Variants in FNBP1 observed in about 807,000 individuals in gnomAD.
FNBP1 encodes the protein formin binding protein 1, also known as formin-binding protein 1.
FNBP1 carries 26 observed loss-of-function variants against 90.6 expected under a neutral mutation model. The ratio of observed to expected loss-of-function variants is 0.29; its 90% CI spans 0.21 to 0.40. The LOEUF is 0.40. Ranked by LOEUF, FNBP1 falls within the 10% of genes least tolerant of loss-of-function variation. The pLI is 1.00. For synonymous variants in FNBP1, 260 were observed against 265.2 expected (o/e 0.98, Z 0.19); for missense variants, 635 against 768.0 (o/e 0.83, Z 2.05).
At chr9:129,958,466 C>A (rs189538092) in intron 5 of FNBP1, 25 bp downstream of exon 5, 2 of 1,553,548 alleles carry the variant, frequency 1.3e-6, no homozygotes, top group East Asian at 2.3e-5. Flanking sequence ...AAAGCCGTTT[C>A]TTTTGCTGTG....
chr9:130,013,573 T>C (rs1288832518), intron 1 of FNBP1: 46 of 379,910 alleles, frequency 1.2e-4, no homozygotes, highest in South Asian at 9.0e-4. Flanking sequence ...ATGACATCTC[T>C]AGGTATATAT....
intron 12 of FNBP1, among the ~76,000 whole-genome samples, chr9:129,907,084 C>T (rs1009445936): frequency 2.3e-4 from 12 of 52,238 alleles, no homozygotes; most frequent in East Asian, 8.1e-4. Context: ...GGCCCAAGCA[C>T]GTTTTTTTTT....
intron 4 of FNBP1, among the ~76,000 whole-genome samples, chr9:129,962,259 A>C (rs1403724900): frequency 6.6e-6 from 1 of 152,212 alleles, no homozygotes; most frequent in Non-Finnish European, 1.5e-5. Context: ...CCCCACTGTG[A>C]CTTGCTCCAG....
intron 1 of FNBP1, among the ~76,000 whole-genome samples, chr9:130,001,581 T>C (rs924905509): frequency 6.6e-6 from 1 of 152,114 alleles, no homozygotes; most frequent in African/African-American, 2.4e-5. Flanking sequence ...ATAACATATA[T>C]GCTAAAATTT....
At chr9:130,010,395 A>G (rs565934494) in intron 1 of FNBP1, among the ~76,000 whole-genome samples, 3 of 152,238 alleles carry the variant, frequency 2.0e-5, no homozygotes, top group African/African-American at 7.2e-5. Context: ...ACGTACTGAG[A>G]AAGGTTTCCT....
chr9:129,979,746 T>C (rs921750710), intron 2 of FNBP1, among the ~76,000 whole-genome samples: 1 of 152,064 alleles, frequency 6.6e-6, no homozygotes, highest in African/African-American at 2.4e-5. Flanking sequence ...TTCAAGCGAT[T>C]CTCCTGCCTC....
chr9:129,938,912 C>T (rs934653218), intron 6 of FNBP1, among the ~76,000 whole-genome samples: 8 of 152,122 alleles, frequency 5.3e-5, no homozygotes, highest in African/African-American at 1.9e-4. Flanking sequence ...CCCCCTTTCC[C>T]CCCTGGTTTC....
chr9:129,949,495 A>T (rs2045844283), intron 6 of FNBP1, among the ~76,000 whole-genome samples: 2 of 152,194 alleles, frequency 1.3e-5, no homozygotes, highest in South Asian at 4.1e-4. Flanking sequence ...ACATCTGGTC[A>T]CACGCTGGCA....
At chr9:129,982,853 A>G (rs1479903769) in intron 2 of FNBP1, among the ~76,000 whole-genome samples, 1 of 152,116 alleles carries the variant, frequency 6.6e-6, no homozygotes, top group African/African-American at 2.4e-5. Context: ...CTGTAGAGAC[A>G]GAGTCTTGCC....
chr9:129,974,286 A>G (rs187564916), intron 4 of FNBP1, among the ~76,000 whole-genome samples: 1 of 152,178 alleles, frequency 6.6e-6, no homozygotes, highest in African/African-American at 2.4e-5. Context: ...GCTCTGCAAC[A>G]GAGCAACACA....
chr9:129,901,880 C>A (rs187641915), intron 13 of FNBP1, among the ~76,000 whole-genome samples: 1 of 152,268 alleles, frequency 6.6e-6, no homozygotes, highest in East Asian at 1.9e-4. Flanking sequence ...CTACTACACT[C>A]CAGCCTGGGC....
intron 1 of FNBP1, among the ~76,000 whole-genome samples, chr9:130,037,505 G>C (rs982042601): frequency 2.0e-5 from 3 of 152,052 alleles, no homozygotes; most frequent in Non-Finnish European, 4.4e-5. Context: ...TAAAAAACTA[G>C]TTTAAAATTT....
At chr9:129,931,609 AAAT>A (rs998114782) in intron 6 of FNBP1, among the ~76,000 whole-genome samples, 3 of 151,468 alleles carry the variant, frequency 2.0e-5, no homozygotes, top group Admixed American at 6.6e-5. Context: ...CCGTCTCAAA[AAAT>A]AATAATAATA....
At chr9:129,981,342 G>GC (rs1172440707) in intron 2 of FNBP1, among the ~76,000 whole-genome samples, 2 of 152,068 alleles carry the variant, frequency 1.3e-5, no homozygotes, top group Non-Finnish European at 2.9e-5. Flanking sequence ...GCCCGCCTCG[G>GC]CCCCCCAAAG....
Position 129,923,830 on chromosome 9 carries a change from G to C in FNBP1, c.1170+14C>G. Reference sequence around the variant, plus strand: ...AAGCACGCCAGAGAGACAGGATTCCGGAGCAGAACTTACCCCACGCTTTAG... The same window carrying C: ...AAGCACGCCAGAGAGACAGGATTCCCGAGCAGAACTTACCCCACGCTTTAG... On this transcript the variant is annotated intron_variant, in intron 10 of 16. Coordinates refer to ENST00000446176, the MANE Select transcript of FNBP1 (RefSeq NM_015033.3). 1 of 1,560,322 alleles carries C rather than the reference G, an allele frequency of 6.4e-7. No homozygotes were observed. Among genetic ancestry groups the C allele is most frequent in the Non-Finnish European group, 8.7e-7 (1 of 1,155,758 alleles).
intron 11 of FNBP1, among the ~76,000 whole-genome samples, chr9:129,910,887 G>A (rs145826941): frequency 2.0e-5 from 3 of 152,156 alleles, no homozygotes; most frequent in East Asian, 1.9e-4. Context: ...GATAAGAGTT[G>A]AGTGAAACCA....
At chr9:130,019,745 C>G (rs547148354) in intron 1 of FNBP1, among the ~76,000 whole-genome samples, 1 of 152,070 alleles carries the variant, frequency 6.6e-6, no homozygotes, top group Non-Finnish European at 1.5e-5. Flanking sequence ...ATTTTATTTA[C>G]TTATTTATTA....
At chr9:130,035,886 C>A (rs1450385090) in intron 1 of FNBP1, among the ~76,000 whole-genome samples, 1 of 152,122 alleles carries the variant, frequency 6.6e-6, no homozygotes, top group Non-Finnish European at 1.5e-5. Context: ...GTGGAGGTTG[C>A]AGTGAGCTGA....
At chr9:129,954,438 C>CA (rs1245789457) in intron 6 of FNBP1, among the ~76,000 whole-genome samples, 1 of 151,994 alleles carries the variant, frequency 6.6e-6, no homozygotes, top group Non-Finnish European at 1.5e-5. Context: ...TCAATGAATA[C>CA]AGACCATTTC....
Sources: gnomAD v4.1 joint callset for allele counts (sites outside exome capture counted in the v4.1 genomes callset) on GRCh38, gnomAD v4.1.1 for gene constraint, MANE v1.5 for transcripts, NCBI Gene and HGNC (gene_info 2026-07-23, HGNC 2026-07-21) for gene names.